Variants in SLC25A17 observed in about 807,000 individuals in gnomAD.
SLC25A17 encodes the protein peroxisomal membrane protein PMP34.
SLC25A17 carries 26 observed loss-of-function variants against 38.5 expected under a neutral mutation model. That is an observed-to-expected ratio of 0.68 (90% confidence interval 0.50 to 0.94). The LOEUF (loss-of-function observed/expected upper bound fraction) is 0.94. Among genes scored for constraint, SLC25A17 ranks in the 40% least tolerant of loss-of-function variants. SLC25A17 has a pLI of 0.00. For synonymous variants in SLC25A17, 139 were observed against 136.2 expected, an observed-to-expected ratio of 1.02 and a Z score of -0.14; for missense variants, 333 against 372.7, an observed-to-expected ratio of 0.89 and a Z score of 0.88.
chr22:40,785,490 T>C (rs982700073), intron 4 of SLC25A17, among the ~76,000 whole-genome samples: 4 of 152,186 alleles, frequency 2.6e-5, no homozygotes, highest in Non-Finnish European at 4.4e-5. Context: ...GTTATCCACA[T>C]GGTTACCAGG....
Position 40,770,692 on chromosome 22 carries a change from C to A in SLC25A17, c.*142G>T. On this transcript the variant is annotated 3_prime_UTR_variant, in exon 9 of 9. Coordinates refer to ENST00000435456, the MANE Select transcript of SLC25A17 (RefSeq NM_006358.4). ...CAACAGGTCCAGTTGGCCATACTCC[C>A]TGTGCACCCTTGGATGCTTTTCAAG... The A allele has an allele frequency of 1.2e-6, 1 of 803,794 alleles. No homozygotes were observed. 49.8% of individuals were successfully genotyped at this position (803,794 alleles called of 1,614,324 possible).
intron 7 of SLC25A17, among the ~76,000 whole-genome samples, chr22:40,776,531 T>C (rs964562679): frequency 2.0e-5 from 3 of 152,232 alleles, no homozygotes; most frequent in Non-Finnish European, 4.4e-5. Context: ...TTATGTTACC[T>C]AAGAAATTAC....
intron 1 of SLC25A17, among the ~76,000 whole-genome samples, chr22:40,811,464 C>G (rs928889127): frequency 6.6e-6 from 1 of 151,318 alleles, no homozygotes; most frequent in Non-Finnish European, 1.5e-5. Context: ...GGGTCTCATT[C>G]TGTCGCCCAG....
At chr22:40,812,023 CTCTTTT>C (rs1156703154) in intron 1 of SLC25A17, among the ~76,000 whole-genome samples, 3 of 151,628 alleles carry the variant, frequency 2.0e-5, no homozygotes, top group African/African-American at 7.3e-5. Context: ...CTTTCTTTTT[CTCTTTT>C]TCTTTCTCTC....
At chr22:40,771,099 C>A in intron 8 of SLC25A17, 118 bp from the exon 9 acceptor site, 1 of 903,344 alleles carries the variant, frequency 1.1e-6, no homozygotes, top group African/African-American at 1.7e-5. Context: ...ACACAGACTT[C>A]TGTTGTCAAA....
intron 4 of SLC25A17, 98 bp downstream of exon 4, chr22:40,792,427 A>G (rs1278796365): frequency 1.0e-6 from 1 of 984,634 alleles, no homozygotes; most frequent in Non-Finnish European, 1.4e-6. Flanking sequence ...AACTGGCTAT[A>G]TTCTTTGTAA....
intron 4 of SLC25A17, among the ~76,000 whole-genome samples, chr22:40,787,497 A>G (rs1435467188): frequency 3.3e-5 from 5 of 152,210 alleles, no homozygotes; most frequent in Non-Finnish European, 7.3e-5. Context: ...AGTCAAGATC[A>G]GTAAAGATCA....
intron 5 of SLC25A17, 33 bp downstream of exon 5, chr22:40,778,976 C>T (rs1205442697): frequency 6.4e-7 from 1 of 1,563,576 alleles, no homozygotes; most frequent in Non-Finnish European, 8.8e-7. Context: ...GGAAGAAAAC[C>T]CTTAAATAGG....
At chr22:40,781,764 G>A (rs1258384060) in intron 4 of SLC25A17, among the ~76,000 whole-genome samples, 1 of 152,066 alleles carries the variant, frequency 6.6e-6, no homozygotes, top group Non-Finnish European at 1.5e-5. Context: ...AAATACTTGA[G>A]AATCCGAAGC....
chr22:40,794,446 A>C, intron 3 of SLC25A17, 68 bp downstream of exon 3: 1 of 925,078 alleles, frequency 1.1e-6, no homozygotes, highest in Non-Finnish European at 1.8e-6. Flanking sequence ...AGTAAGCATA[A>C]CTCTACTGGA....
chr22:40,779,786 C>CA, intron 4 of SLC25A17: 1 of 153,770 alleles, frequency 6.5e-6, no homozygotes, highest in South Asian at 2.0e-4. Context: ...CTTGGCCCCC[C>CA]AAGGTTGCCT....
chr22:40,777,375 T>C lies in SLC25A17; in HGVS notation c.452-2A>G, dbSNP rs756065740. 1.2e-6 allele frequency: 2 copies of C among 1,607,832 alleles called. No homozygotes were observed. Among genetic ancestry groups the C allele is most frequent in the Admixed American group, 1.7e-5 (1 of 58,360 alleles). On this transcript the variant is annotated splice_acceptor_variant, in intron 5 of 8. Transcript: ENST00000435456. LOFTEE classifies it high-confidence loss of function. ...CGCGAATGATCTGATGAAAAGCATC[T>C]AAGCAAGAAATCAGGGACTTTTGAA... is the stretch of plus-strand genomic sequence containing the variant.
chr22:40,801,128 CATATATATATAT>C (rs60780380), intron 1 of SLC25A17, among the ~76,000 whole-genome samples: 24,364 of 101,168 alleles, frequency 0.24, 2,641 homozygotes, highest in Middle Eastern at 0.32. Context: ...AAATATATTA[CATATATATATAT>C]ATATATATAT....
At chr22:40,801,439 A>G (rs963658613) in intron 1 of SLC25A17, among the ~76,000 whole-genome samples, 2 of 152,010 alleles carry the variant, frequency 1.3e-5, no homozygotes, top group South Asian at 2.1e-4. Flanking sequence ...CATTCTTTCT[A>G]TATCTGTGCA....
intron 1 of SLC25A17, among the ~76,000 whole-genome samples, chr22:40,802,081 C>G (rs1017582471): frequency 6.6e-6 from 1 of 151,980 alleles, no homozygotes. Flanking sequence ...CGTGAGCCAC[C>G]GTGCCTGGCC....
rs184672956 is a variant in SLC25A17, at chr22:40,789,967, G to A, written c.334+2558C>T. On this transcript the variant is annotated intron_variant, in intron 4 of 8. Coordinates refer to ENST00000435456, the MANE Select transcript of SLC25A17 (RefSeq NM_006358.4). The surrounding 1 kb of genome is among the most constrained non-coding windows in gnomAD (Gnocchi z 4.5). ...TGGACCATTTTCTGACAAGACAACA[G>A]ATGATGCTCACAGTCAACACAGACC... 6.6e-6 allele frequency among the ~76,000 whole-genome samples: 1 copy of A among 151,978 alleles called. No homozygotes were observed. Among genetic ancestry groups the A allele is most frequent in the Admixed American group, 6.5e-5 (1 of 15,272 alleles).
In SLC25A17 at chr22:40,789,486, C is replaced by G. The variant is rs1434377613; in HGVS notation, c.334+3039G>C. 6.6e-6 allele frequency among the ~76,000 whole-genome samples: 1 copy of G among 152,130 alleles called. No individual in the cohort carries two copies. The highest frequency in any genetic ancestry group is 2.4e-5 in the African/African-American group (1 of 41,426). On this transcript the variant is annotated intron_variant, in intron 4 of 8. Transcript: ENST00000435456. This position sits in a 1 kb window ranked among gnomAD's most constrained non-coding sequence, Gnocchi z 4.5. ...TCATTTTCTTTCTTTCCTTCTTTCC[C>G]TACCTTTTAAAATATTTTATGTTTG...
At chr22:40,807,294 T>C (rs1243753972) in intron 1 of SLC25A17, among the ~76,000 whole-genome samples, 2 of 152,204 alleles carry the variant, frequency 1.3e-5, no homozygotes, top group East Asian at 3.8e-4. Flanking sequence ...GGCACTATCA[T>C]TCTCTTTATT....
At chr22:40,794,757 T>A (rs1187250272) in intron 2 of SLC25A17, among the ~76,000 whole-genome samples, 177 bp from the exon 3 acceptor site, 2 of 152,004 alleles carry the variant, frequency 1.3e-5, no homozygotes, top group African/African-American at 4.8e-5. Flanking sequence ...GTAGCTGGGA[T>A]TACAGGTGCA....
Sources: allele counts gnomAD v4.1 joint callset (sites outside exome capture counted in the v4.1 genomes callset), GRCh38; gene constraint gnomAD v4.1.1; non-coding constraint Gnocchi (gnomAD v3.1); transcripts MANE v1.5; gene names NCBI Gene and HGNC (gene_info 2026-07-23, HGNC 2026-07-21).